The following SH3BGR variants were observed in gnomAD, a reference collection of about 807,000 sequenced individuals.
SH3BGR encodes SH3 domain-binding glutamic acid-rich protein.
A neutral mutation model predicts 24.5 loss-of-function variants in SH3BGR; 29 were observed. The observed-to-expected ratio is 1.18, with a 90% CI of 0.88 to 1.61. The LOEUF (loss-of-function observed/expected upper bound fraction) is 1.61. Among genes scored for constraint, SH3BGR ranks in the 40% most tolerant of loss-of-function variants. The pLI, the probability that SH3BGR is intolerant of heterozygous loss-of-function variation, is 0.00. For missense variants in SH3BGR, 162 were observed against 205.8 expected, an observed-to-expected ratio of 0.79 and a Z score of 1.30; for synonymous variants, 55 against 65.7, an observed-to-expected ratio of 0.84 and a Z score of 0.79.
chr21:39,508,891 T>G, intron 4 of SH3BGR, 107 bp from the exon 5 acceptor site: 5 of 771,688 alleles, frequency 6.5e-6, no homozygotes, highest in Non-Finnish European at 6.4e-6. Flanking sequence ...AATGTGTTGT[T>G]CATTTTGATT....
At chr21:39,451,116 GGACCT>G (rs766168058), upstream of SH3BGR, among the ~76,000 whole-genome samples, 8 of 152,058 alleles carry the variant, frequency 5.3e-5, no homozygotes, top group African/African-American at 1.4e-4. Context: ...ACACTGCCCC[GGACCT>G]TCTCTAACTT....
intron 3 of SH3BGR, among the ~76,000 whole-genome samples, chr21:39,483,751 T>A (rs1353903960): frequency 1.3e-5 from 2 of 152,216 alleles, no homozygotes; most frequent in Non-Finnish European, 2.9e-5. Context: ...TTGAAGGGAC[T>A]TTATGGTCTA....
chr21:39,499,788 T>C, intron 3 of SH3BGR, 35 bp from the exon 4 acceptor site: 1 of 1,512,436 alleles, frequency 6.6e-7, no homozygotes, highest in African/African-American at 1.4e-5. Flanking sequence ...TTTTTCTGTT[T>C]TTGAGCTCAT....
chr21:39,486,122 A>G (rs547053986), intron 3 of SH3BGR, among the ~76,000 whole-genome samples: 55 of 152,368 alleles, frequency 3.6e-4, no homozygotes, highest in African/African-American at 1.2e-3. Flanking sequence ...CTCATTACAA[A>G]TAACTTCAGG....
chr21:39,497,415 G>A, intron 3 of SH3BGR, among the ~76,000 whole-genome samples: 1 of 151,552 alleles, frequency 6.6e-6, no homozygotes, highest in Non-Finnish European at 1.5e-5. Context: ...ACAATATAAA[G>A]TAATAGAAGC....
At chr21:39,488,734 G>A in intron 3 of SH3BGR, 1 of 456,380 alleles carries the variant, frequency 2.2e-6, no homozygotes, top group Non-Finnish European at 4.5e-6. Flanking sequence ...GATGCTGGCG[G>A]CCGGGCATGA....
At position 39,512,436 on chromosome 21, in the gene SH3BGR, T is replaced by C. The variant is rs144363863; in HGVS notation, c.*34+627T>C. Among the ~76,000 whole-genome samples the C allele has an allele frequency of 2.7e-3, 409 of 152,316 alleles. 1 individual carries two copies. The highest frequency in any genetic ancestry group is 9.5e-3 in the African/African-American group (394 of 41,558). ...TTTGACAAGTAAGCTCTTGCTGCCT[T>C]CTGGTTTTAAACTTCCCTTGATGAT... On this transcript the variant is annotated intron_variant, in intron 6 of 6. Coordinates refer to ENST00000333634, the MANE Select transcript of SH3BGR (RefSeq NM_007341.3).
intron 1 of SH3BGR, among the ~76,000 whole-genome samples, chr21:39,457,502 A>C (rs1011491462): frequency 6.2e-5 from 9 of 145,860 alleles, no homozygotes; most frequent in African/African-American, 2.2e-4. Flanking sequence ...TATATATATG[A>C]TTATTATATA....
At chr21:39,482,858 C>T (rs548893469) in intron 3 of SH3BGR, among the ~76,000 whole-genome samples, 9 of 152,188 alleles carry the variant, frequency 5.9e-5, no homozygotes, top group African/African-American at 1.7e-4. Flanking sequence ...TTAGTAGAGA[C>T]GAGGTTTCAC....
chr21:39,459,914 G>A (rs1254585310), intron 1 of SH3BGR, among the ~76,000 whole-genome samples: 1 of 152,090 alleles, frequency 6.6e-6, no homozygotes, highest in Non-Finnish European at 1.5e-5. Flanking sequence ...TTAAAATGGG[G>A]TCCACACAGT....
chr21:39,488,516 G>C (rs2078246672), intron 3 of SH3BGR: 1 of 364,626 alleles, frequency 2.7e-6, no homozygotes, highest in Non-Finnish European at 4.5e-6. Flanking sequence ...ATGTGAAGGT[G>C]CTGGACTTTG....
intron 2 of SH3BGR, among the ~76,000 whole-genome samples, chr21:39,469,747 G>T (rs746409042): frequency 6.6e-5 from 10 of 151,720 alleles, no homozygotes; most frequent in Non-Finnish European, 1.3e-4. Context: ...TCTGCCTCCC[G>T]AGTTCAAGTG....
intron 3 of SH3BGR, among the ~76,000 whole-genome samples, chr21:39,482,506 A>C (rs1406512857): frequency 6.6e-6 from 1 of 152,216 alleles, no homozygotes; most frequent in East Asian, 1.9e-4. Flanking sequence ...TGATAAAAAT[A>C]CTGGAGTTAC....
chr21:39,491,048 A>T (rs919903857), intron 3 of SH3BGR, among the ~76,000 whole-genome samples: 1 of 151,970 alleles, frequency 6.6e-6, no homozygotes, highest in Non-Finnish European at 1.5e-5. Flanking sequence ...GAGCATTTTA[A>T]TTCATCTTGA....
At chr21:39,475,669 AG>A (rs1420835814) in intron 3 of SH3BGR, among the ~76,000 whole-genome samples, 1 of 152,228 alleles carries the variant, frequency 6.6e-6, no homozygotes, top group African/African-American at 2.4e-5. Context: ...AAAATGGGAC[AG>A]GTAAGATCTC....
rs1053571183 is a variant in SH3BGR, at chr21:39,497,501, TAA to T, written c.313-2318_313-2317del. Among the ~76,000 whole-genome samples, 14 of 151,786 alleles carry T rather than the reference TAA, an allele frequency of 9.2e-5. No individual in the cohort carries two copies. The South Asian group carries it at 2.9e-3, about 31-fold the overall frequency. The stretch of plus-strand genomic sequence containing the variant: ...ACTAAAAAAAATACAACAAAATCTG[TAA>T]AAACTGTAGACTGGAGGAAAACATT... On this transcript the variant is annotated intron_variant, in intron 3 of 6. Coordinates refer to ENST00000333634, the MANE Select transcript of SH3BGR (RefSeq NM_007341.3).
At chr21:39,507,631 C>T (rs1040418883) in intron 4 of SH3BGR, among the ~76,000 whole-genome samples, 2 of 152,038 alleles carry the variant, frequency 1.3e-5, no homozygotes, top group African/African-American at 4.8e-5. Flanking sequence ...CTGTGCCTGG[C>T]CTACCTTCTG....
chr21:39,480,712 A>C (rs1264624260), intron 3 of SH3BGR, among the ~76,000 whole-genome samples: 1 of 152,160 alleles, frequency 6.6e-6, no homozygotes, highest in South Asian at 2.1e-4. Context: ...GCTGCTTTGT[A>C]TCAGAATCTC....
chr21:39,448,424 C>T (rs1400872654), upstream of SH3BGR, among the ~76,000 whole-genome samples: 1 of 152,094 alleles, frequency 6.6e-6, no homozygotes, highest in Non-Finnish European at 1.5e-5. Context: ...ATCTGGGGGT[C>T]TCTATGAAGT....
Sources: allele counts gnomAD v4.1 joint callset (sites outside exome capture counted in the v4.1 genomes callset), GRCh38; gene constraint gnomAD v4.1.1; transcripts MANE v1.5; gene names NCBI Gene and HGNC (gene_info 2026-07-23, HGNC 2026-07-21).